CEP131: variants seen among roughly 807,000 people sequenced by gnomAD.
CEP131 encodes centrosomal protein of 131 kDa.
A neutral mutation model predicts 136.8 loss-of-function variants in CEP131; 99 were observed. The ratio of observed to expected loss-of-function variants is 0.72; its 90% confidence interval spans 0.62 to 0.86. The LOEUF (loss-of-function observed/expected upper bound fraction) is 0.86. Ranked by LOEUF, CEP131 falls within the 40% of genes least tolerant of loss-of-function variation. The pLI, the probability that CEP131 is intolerant of heterozygous loss-of-function variation, is 0.00. For synonymous variants in CEP131, 646 were observed against 612.7 expected, an observed-to-expected ratio of 1.05 and a Z score of -0.80; for missense variants, 1,459 against 1,463.0, an observed-to-expected ratio of 1.00 and a Z score of 0.04.
At chr17:81,193,530 C>A (rs2061688064) in intron 18 of CEP131, among the ~76,000 whole-genome samples, 1 of 152,194 alleles carries the variant, frequency 6.6e-6, no homozygotes, top group Admixed American at 6.5e-5. Flanking sequence ...AGACCCCAGG[C>A]CAAGGGAGTG....
intron 8 of CEP131, chr17:81,200,057 G>A (rs2061855658): frequency 3.3e-6 from 2 of 611,946 alleles, no homozygotes; most frequent in African/African-American, 1.8e-5. Flanking sequence ...GCGTGGGGGA[G>A]ACAGCTCTGC....
rs530885526 is a variant in CEP131, at chr17:81,192,455, C to T, written c.2547+21G>A. 3.7e-6 allele frequency: 6 copies of T among 1,611,972 alleles called. No individual in the cohort carries two copies. In the East Asian group the frequency reaches 6.7e-5, roughly 18 times the overall value. ...CGTGCAGCCCCCTGGCCAGGCCCAG[C>T]ACAGCCCTCCGGTGGTAGACCTGGT... On this transcript the variant is annotated intron_variant, in intron 20 of 25. Transcript: ENST00000450824.
rs1452163096 is a variant in CEP131, at chr17:81,196,823, G to C, written c.1777C>G (p.Gln593Glu). 6.3e-7 allele frequency: 1 copy of C among 1,595,198 alleles called. No individual in the cohort carries two copies. Reference sequence around the variant, plus strand: ...CGCCGGGCCGTGAGGTCTCGCTGCTGCGCCTGCAGGGTGTGGGCAGAGGAG... The same window carrying C: ...CGCCGGGCCGTGAGGTCTCGCTGCTCCGCCTGCAGGGTGTGGGCAGAGGAG... ...AMLLLQRALA[Q>E]QRDLTARRVK... The change falls in exon 15 of 26, where the codon CAG becomes GAG. Residue 593 changes from glutamine (Q) to glutamate (E), a missense_variant. Physicochemically the swap from Gln to Glu is conservative, Grantham distance 29. Transcript: ENST00000450824.
chr17:81,195,929 A>G lies in CEP131; in HGVS notation c.1922T>C (p.Leu641Pro), dbSNP rs779044133. Residue 641 changes from leucine (L) to proline (P), a missense_variant, in exon 16 of 26, where the codon CTG becomes CCG. This residue lies in a region of CEP131 where 1,026 missense variants were observed against 964.2 expected (regional missense o/e 1.06). Transcript: ENST00000450824. ...CACCACAGCCTCGCACTTTTCACTC[A>G]GGACCTTCTTGTCCTCAATCAGCTG... ...IDQLIEDKKV[L>P]SEKCEAVVAE... 4 of 1,610,052 alleles carry G rather than the reference A, an allele frequency of 2.5e-6. No individual in the cohort carries two copies. In the Admixed American group the frequency reaches 6.7e-5, roughly 27 times the overall value.
rs1201953100 is a variant in CEP131 at position 81,203,275 on chromosome 17, G to A, written c.629+219C>T. On this transcript the variant is annotated intron_variant, in intron 6 of 25. Transcript: ENST00000450824. This position sits in a 1 kb window ranked among gnomAD's most constrained non-coding sequence, Gnocchi z 4.6. ...GAAGAGGGCGGCGGACGTGGATGGG[G>A]AGCCCGGTTCACAGCTGCTCCACGC... Among the ~76,000 whole-genome samples, 1 of 152,220 alleles carries A rather than the reference G, an allele frequency of 6.6e-6. No homozygotes were observed. The highest frequency in any genetic ancestry group is 2.1e-4 in the South Asian group (1 of 4,834).
intron 16 of CEP131, 38 bp from the exon 17 acceptor site, chr17:81,195,010 G>A (rs1317813873): frequency 5.9e-6 from 9 of 1,535,720 alleles, no homozygotes; most frequent in African/African-American, 2.7e-5. Context: ...CGACACGAAG[G>A]ACACCCCCGT....
chr17:81,189,867 G>A lies in CEP131; in HGVS notation c.3169-24C>T. ...GCCTGCAGCACACCCACAGGGTCAG[G>A]CCTGCTCCCAGCCCCGAGGTCCAGC... On this transcript the variant is annotated intron_variant, in intron 25 of 25. Transcript: ENST00000450824. 3 of 1,612,374 alleles carry A rather than the reference G, an allele frequency of 1.9e-6. No homozygotes were observed. The highest frequency in any genetic ancestry group is 2.5e-6 in the Non-Finnish European group (3 of 1,179,654).
chr17:81,203,623 A>G lies in CEP131; in HGVS notation c.516-16T>C. ...CTTGTTGCTCCTGCCAGGCCGGAAG[A>G]GAGACAGGAATGGTCAGGCCTCTGG... On this transcript the variant is annotated splice_polypyrimidine_tract_variant and intron_variant, in intron 5 of 25. Transcript: ENST00000450824. The surrounding 1 kb of genome is among the most constrained non-coding windows in gnomAD (Gnocchi z 4.6). 1 of 1,569,208 alleles carries G rather than the reference A, an allele frequency of 6.4e-7. No homozygotes were observed. The highest frequency in any genetic ancestry group is 8.6e-7 in the Non-Finnish European group (1 of 1,156,266).
rs1598330003 is a variant in CEP131 at position 81,219,266 on chromosome 17, C to G, written c.177+614G>C. ...CTCCAAGGCCACCAGGAGCTCATCACCCCTCCCCACAGGTCAACCCCATTT... is the reference window on the plus strand; with the variant it reads ...CTCCAAGGCCACCAGGAGCTCATCAGCCCTCCCCACAGGTCAACCCCATTT... On this transcript the variant is annotated intron_variant, in intron 2 of 25. Coordinates refer to ENST00000450824, the MANE Select transcript of CEP131 (RefSeq NM_014984.4). This position sits in a 1 kb window ranked among gnomAD's most constrained non-coding sequence, Gnocchi z 4.0. Among the ~76,000 whole-genome samples, 1 of 1,420 alleles carries G rather than the reference C, an allele frequency of 7.0e-4. No individual in the cohort carries two copies. The highest frequency in any genetic ancestry group is 0.011 in the Non-Finnish European group (1 of 90). The allele number at this position is 1,420 out of a possible 152,430, so 0.9% of individuals were successfully genotyped here. A position where few individuals can be genotyped will look rare whatever the true frequency, so the allele number is the denominator to read the frequency against.
intron 7 of CEP131, among the ~76,000 whole-genome samples, chr17:81,201,883 C>T (rs1471377176): frequency 6.6e-6 from 1 of 152,106 alleles, no homozygotes; most frequent in Admixed American, 6.5e-5. Flanking sequence ...GGGCGGATCA[C>T]GAGGTCAGGA....
At chr17:81,191,751 A>G (rs1422949530) in intron 21 of CEP131, among the ~76,000 whole-genome samples, 1 of 152,144 alleles carries the variant, frequency 6.6e-6, no homozygotes, top group Non-Finnish European at 1.5e-5. Flanking sequence ...CCTGGGCCCC[A>G]CAGGGCTACG....
chr17:81,202,423 T>G, intron 6 of CEP131, 25 bp from the exon 7 acceptor site: 1 of 1,606,950 alleles, frequency 6.2e-7, no homozygotes, highest in Non-Finnish European at 8.5e-7. Flanking sequence ...GAAAACACCC[T>G]CGTCTCACCG....
chr17:81,196,933 C>T lies in CEP131; in HGVS notation c.1770G>A (p.Ala590=), dbSNP rs747518925. 71 of 1,609,520 alleles carry T rather than the reference C, an allele frequency of 4.4e-5. No individual in the cohort carries two copies. The highest frequency in any genetic ancestry group is 2.8e-4 in the South Asian group (25 of 90,188). The change falls in exon 14 of 26, where the codon GCG becomes GCA. Residue 590 remains alanine, a synonymous_variant. Coordinates refer to ENST00000450824, the MANE Select transcript of CEP131 (RefSeq NM_014984.4). ...KKQAMLLLQR[A]LAQQRDLTAR... ...TTAGCAGTGCCAGCAGCGTTACCAG[C>T]GCTCTCTGCAGCAGCAGCATGGCCT...
intron 1 of CEP131, among the ~76,000 whole-genome samples, chr17:81,220,483 T>A (rs1240420145): frequency 1.3e-5 from 2 of 152,158 alleles, no homozygotes; most frequent in African/African-American, 2.4e-5. Flanking sequence ...AAGGGACATT[T>A]GATTTATTTT....
intron 16 of CEP131, 50 bp from the exon 17 acceptor site, chr17:81,195,022 C>T: frequency 8.4e-6 from 12 of 1,422,970 alleles, no homozygotes; most frequent in Non-Finnish European, 1.1e-5. Flanking sequence ...CACCCCCGTC[C>T]CTTTGCCACC....
rs537190419 is a variant in CEP131, at chr17:81,208,777, G to A, written c.272+151C>T. 203 of 628,336 alleles carry A rather than the reference G, an allele frequency of 3.2e-4. No individual in the cohort carries two copies. The highest frequency in any genetic ancestry group is 1.0e-3 in the South Asian group (51 of 51,232). 38.9% of individuals were successfully genotyped at this position (628,336 alleles called of 1,614,324 possible). A position where few individuals can be genotyped will look rare whatever the true frequency, so the allele number is the denominator to read the frequency against. Reference sequence around the variant, plus strand: ...GAGGCCTGGGACACAAAGCTGGCCCGTGAGGTCACTCCAGGCCTCACTAGC... The same window carrying A: ...GAGGCCTGGGACACAAAGCTGGCCCATGAGGTCACTCCAGGCCTCACTAGC... On this transcript the variant is annotated intron_variant, in intron 3 of 25. Transcript: ENST00000450824. The surrounding 1 kb of genome is among the most constrained non-coding windows in gnomAD (Gnocchi z 5.6).
Position 81,203,255 on chromosome 17 carries a change from G to A in CEP131, c.629+239C>T, listed in dbSNP as rs988002973. Reference sequence around the variant, plus strand: ...AAGCTGCCGACCCAAGAACAGAAGAGGGCGGCGGACGTGGATGGGGAGCCC... The same window carrying A: ...AAGCTGCCGACCCAAGAACAGAAGAAGGCGGCGGACGTGGATGGGGAGCCC... On this transcript the variant is annotated intron_variant, in intron 6 of 25. Coordinates refer to ENST00000450824, the MANE Select transcript of CEP131 (RefSeq NM_014984.4). The surrounding 1 kb of genome is among the most constrained non-coding windows in gnomAD (Gnocchi z 4.6). Among the ~76,000 whole-genome samples, 1 of 152,200 alleles carries A rather than the reference G, an allele frequency of 6.6e-6. No individual in the cohort carries two copies. Among genetic ancestry groups the A allele is most frequent in the African/African-American group, 2.4e-5 (1 of 41,450 alleles).
In CEP131 at chr17:81,191,077, G is replaced by A. The variant is rs753513530; in HGVS notation, c.2773C>T (p.Arg925Cys). 11 of 1,602,580 alleles carry A rather than the reference G, an allele frequency of 6.9e-6. No individual in the cohort carries two copies. Among genetic ancestry groups the A allele is most frequent in the Admixed American group, 3.4e-5 (2 of 59,168 alleles). Residue 925 changes from arginine (R) to cysteine (C), a missense_variant, in exon 23 of 26, where the codon CGC (arginine) becomes TGC (cysteine). Physicochemically the swap from Arg to Cys is radical, Grantham distance 180. Around this residue, in one of 3 missense-constraint regions of CEP131, gnomAD observed 1,026 missense variants for 964.2 expected, o/e 1.06. Transcript: ENST00000450824. ...TCGGCCTCGTACTTGTCCCGTAAGC[G>A]CTTGATGCTGGAGGTGGGGGGAGGG... ...SEKAAESRIK[R>C]LRDKYEAELS...
Position 81,190,017 on chromosome 17 carries a change from C to T in CEP131, c.3108-42G>A, listed in dbSNP as rs199540519. 333 of 1,557,306 alleles carry T rather than the reference C, an allele frequency of 2.1e-4. 1 individual carries two copies. The highest frequency in any genetic ancestry group is 1.4e-3 in the East Asian group (59 of 43,324). ...GTAGGCTTCAGTGTGGCCCCCGCCC[C>T]ATGTCCCCAGAGTGGCCTGCAGTGC... On this transcript the variant is annotated intron_variant, in intron 24 of 25. Transcript: ENST00000450824.
Sources: gnomAD v4.1 joint callset for allele counts (sites outside exome capture counted in the v4.1 genomes callset) on GRCh38, gnomAD v4.1.1 for gene constraint, gnomAD v4.1.1 regional missense constraint, Gnocchi (gnomAD v3.1) non-coding constraint, MANE v1.5 for transcripts, NCBI Gene and HGNC (gene_info 2026-07-23, HGNC 2026-07-21) for gene names.